Variants in TENM2 observed in about 807,000 individuals in gnomAD.
TENM2 encodes the protein teneurin-2.
A neutral mutation model predicts 245.2 loss-of-function variants in TENM2; 52 were observed. The ratio of observed to expected loss-of-function variants is 0.21; its 90% CI spans 0.17 to 0.27. The LOEUF (loss-of-function observed/expected upper bound fraction) is 0.27. Ranked by LOEUF, TENM2 falls within the 10% of genes least tolerant of loss-of-function variation. TENM2 has a pLI of 1.00. For missense variants in TENM2, 3,046 were observed against 3,666.8 expected (o/e 0.83, Z 4.37); for synonymous variants, 1,363 against 1,438.9 (o/e 0.95, Z 1.19).
chr5:168,149,299 CAT>C (rs1756430194), intron 12 of TENM2: 1 of 452,924 alleles, frequency 2.2e-6, no homozygotes, highest in Non-Finnish European at 4.4e-6. Context: ...TTCATCTCCA[CAT>C]GTTATTTTTA....
At chr5:167,562,754 C>G (rs1195949781) in intron 2 of TENM2, among the ~76,000 whole-genome samples, 6 of 151,946 alleles carry the variant, frequency 3.9e-5, no homozygotes, top group Non-Finnish European at 8.8e-5. Context: ...GTCAGGAGTT[C>G]AAGACCAGCC....
intron 2 of TENM2, among the ~76,000 whole-genome samples, chr5:167,486,270 G>T (rs1768064994): frequency 6.6e-6 from 1 of 151,848 alleles, no homozygotes; most frequent in African/African-American, 2.4e-5. Flanking sequence ...TGCCCTCAGG[G>T]AGACAACAGT....
At chr5:167,242,653 A>G in the TENM2 span, among the ~76,000 whole-genome samples, 9 of 152,264 alleles carry the variant, frequency 5.9e-5, no homozygotes, top group Non-Finnish European at 7.4e-5. Flanking sequence ...TCGCCTCTTT[A>G]TGATTTCTTA....
the TENM2 span, among the ~76,000 whole-genome samples, chr5:166,979,562 C>CT: frequency 6.6e-6 from 1 of 152,124 alleles, no homozygotes; most frequent in Non-Finnish European, 1.5e-5. Context: ...ATGCTTAAGG[C>CT]TTTTTTCCCC....
the TENM2 span, among the ~76,000 whole-genome samples, chr5:167,101,217 CTTTG>C: frequency 2.6e-5 from 4 of 152,140 alleles, no homozygotes; most frequent in Non-Finnish European, 4.4e-5. Flanking sequence ...GTTTTTATGA[CTTTG>C]TTTGTTTGGT....
chr5:167,162,903 A>C, the TENM2 span, among the ~76,000 whole-genome samples: 9 of 152,192 alleles, frequency 5.9e-5, no homozygotes, highest in Admixed American at 5.9e-4. Flanking sequence ...AAAGTGAAGC[A>C]TTTTCATCCA....
intron 2 of TENM2, among the ~76,000 whole-genome samples, chr5:167,571,135 T>C (rs910188258): frequency 3.9e-5 from 6 of 152,178 alleles, no homozygotes; most frequent in Non-Finnish European, 5.9e-5. Context: ...GTTGAGTGGG[T>C]TTCCTAACAA....
At chr5:167,990,216 C>T (rs1040761869) in intron 4 of TENM2, among the ~76,000 whole-genome samples, 9 of 152,130 alleles carry the variant, frequency 5.9e-5, no homozygotes, top group African/African-American at 2.2e-4. Context: ...TATGTTCTAG[C>T]GTTGTTATAA....
chr5:167,069,519 G>A, the TENM2 span, among the ~76,000 whole-genome samples: 28 of 152,216 alleles, frequency 1.8e-4, no homozygotes, highest in South Asian at 2.1e-4. Flanking sequence ...TAATTTGATT[G>A]AATCAAAAGG....
At chr5:167,226,507 C>T in the TENM2 span, among the ~76,000 whole-genome samples, 32,237 of 151,788 alleles carry the variant, frequency 0.21, 4,100 homozygotes, top group African/African-American at 0.36. Flanking sequence ...TGAGAAGATA[C>T]TTGATATGTC....
chr5:168,188,425 A>G (rs2152505359), intron 13 of TENM2, among the ~76,000 whole-genome samples: 2 of 152,300 alleles, frequency 1.3e-5, no homozygotes, highest in Middle Eastern at 6.8e-3. Flanking sequence ...GTGAATAAGG[A>G]TTGACTAACG....
chr5:168,062,060 T>G (rs1790091052), exon 7 of TENM2: 3 of 1,603,360 alleles, frequency 1.9e-6, no homozygotes, highest in African/African-American at 2.7e-5. Context: ...TTTTTTTCAG[T>G]GCCCTGGTCG....
chr5:167,302,322 T>C (rs1755382503), intron 1 of TENM2, among the ~76,000 whole-genome samples: 1 of 151,680 alleles, frequency 6.6e-6, no homozygotes, highest in African/African-American at 2.4e-5. Context: ...AGGTTTTAGG[T>C]TTTTAAGAAC....
the TENM2 span, among the ~76,000 whole-genome samples, chr5:167,113,745 A>T: frequency 1.3e-5 from 2 of 152,178 alleles, no homozygotes; most frequent in African/African-American, 4.8e-5. Context: ...TATTTTGATG[A>T]CAAAAGCAAT....
At chr5:167,894,215 T>G (rs1280830570) in intron 3 of TENM2, among the ~76,000 whole-genome samples, 1 of 152,178 alleles carries the variant, frequency 6.6e-6, no homozygotes, top group East Asian at 1.9e-4. Context: ...GGATAGATGA[T>G]GAATGGAGAA....
intron 2 of TENM2, among the ~76,000 whole-genome samples, chr5:167,686,003 C>A (rs1281007901): frequency 6.6e-6 from 1 of 152,072 alleles, no homozygotes; most frequent in Non-Finnish European, 1.5e-5. Context: ...ACATCCTCGT[C>A]AGTAAAATGG....
the TENM2 span, among the ~76,000 whole-genome samples, chr5:167,084,530 C>T: frequency 2.0e-5 from 3 of 151,438 alleles, no homozygotes; most frequent in South Asian, 6.3e-4. Flanking sequence ...GGGCCAACTC[C>T]GTTAAGGATT....
intron 2 of TENM2, among the ~76,000 whole-genome samples, chr5:167,766,488 TTTACATCCATTCAAATGGCTA>T (rs1323062006): frequency 5.9e-5 from 9 of 152,312 alleles, no homozygotes; most frequent in South Asian, 4.1e-4. Context: ...AAAGTATATT[TTTACATCCATTCAAATGGCTA>T]TTACATCCAT....
chr5:167,407,344 T>TA (rs1445572117), intron 2 of TENM2, among the ~76,000 whole-genome samples: 7 of 152,142 alleles, frequency 4.6e-5, no homozygotes, highest in African/African-American at 1.7e-4. Flanking sequence ...AACTAGAACA[T>TA]AGGTACTAGT....
Sources: gnomAD v4.1 joint callset for allele counts (sites outside exome capture counted in the v4.1 genomes callset) on GRCh38, gnomAD v4.1.1 for gene constraint, MANE v1.5 for transcripts, NCBI Gene and HGNC (gene_info 2026-07-23, HGNC 2026-07-21) for gene names.